The following EFCAB12 variants were observed in gnomAD, a reference collection of about 807,000 sequenced individuals.
EFCAB12 encodes EF-hand calcium binding domain 12.
A neutral mutation model predicts 53.6 loss-of-function variants in EFCAB12; 43 were observed. The observed-to-expected ratio is 0.80, with a 90% CI of 0.63 to 1.03. EFCAB12 has a LOEUF of 1.03. EFCAB12 is among the 50% of genes least tolerant of loss of function. EFCAB12 has a pLI of 0.00. For missense variants in EFCAB12, 646 were observed against 730.6 expected (o/e 0.88, Z 1.34); for synonymous variants, 269 against 289.2 (o/e 0.93, Z 0.71).
chr3:129,426,005 A>G (rs558138993), intron 1 of EFCAB12, among the ~76,000 whole-genome samples: 1 of 152,276 alleles, frequency 6.6e-6, no homozygotes, highest in South Asian at 2.1e-4. Context: ...CAGAAAACAC[A>G]CTTGTTCTCT....
chr3:129,402,460 C>T, intron 8 of EFCAB12, 63 bp downstream of exon 8: 1 of 1,550,610 alleles, frequency 6.4e-7, no homozygotes, highest in South Asian at 1.2e-5. Context: ...TCCCAGTTGT[C>T]TCAGGCGAAG....
intron 4 of EFCAB12, chr3:129,414,887 T>C (rs2072093192): frequency 5.7e-6 from 1 of 174,164 alleles, no homozygotes; most frequent in Admixed American, 6.4e-5. Context: ...AGCTATGGAT[T>C]AATAGTGAGG....
rs1286556987 is a variant in EFCAB12 at position 129,411,106 on chromosome 3, C to A, written c.1035+52G>T. ...GTGGTGCTGCTGCGGTGATCTGAAC[C>A]CCAGCTGCTCCAGTCCCCAAGCCGC... On this transcript the variant is annotated intron_variant, in intron 5 of 8. Transcript: ENST00000505956. The A allele has an allele frequency of 2.0e-6, 3 of 1,530,776 alleles. No homozygotes were observed. In the African/African-American group the frequency reaches 4.1e-5, roughly 21 times the overall value. The allele number at this position is 1,530,776 out of a possible 1,614,324, so 94.8% of individuals were successfully genotyped here.
At chr3:129,422,207 G>A (rs1037719717) in intron 1 of EFCAB12, among the ~76,000 whole-genome samples, 2 of 152,216 alleles carry the variant, frequency 1.3e-5, no homozygotes, top group African/African-American at 4.8e-5. Flanking sequence ...ATGATCTTGA[G>A]CAAACCACCT....
rs749936801 is a variant in EFCAB12, at chr3:129,404,303, C to G, written c.1350G>C (p.Pro450=). The G allele has an allele frequency of 6.2e-7, 1 of 1,613,852 alleles. No individual in the cohort carries two copies. Among genetic ancestry groups the G allele is most frequent in the Non-Finnish European group, 8.5e-7 (1 of 1,179,842 alleles). The change falls in exon 7 of 9, where the codon CCG becomes CCC. Residue 450 remains proline (P), a synonymous_variant. Coordinates refer to ENST00000505956, the MANE Select transcript of EFCAB12 (RefSeq NM_207307.3). ...GYYSDWKVFS[P]NLALLRSQGP... is the part of the protein sequence containing the mutation. Reference sequence around the variant, plus strand: ...CCTGGGACCGGAGCAGAGCCAGATTCGGAGAAAAGACCTTCCAGTCAGAGT... The same window carrying G: ...CCTGGGACCGGAGCAGAGCCAGATTGGGAGAAAAGACCTTCCAGTCAGAGT...
At chr3:129,410,855 G>A (rs969279815) in intron 5 of EFCAB12, among the ~76,000 whole-genome samples, 5 of 152,186 alleles carry the variant, frequency 3.3e-5, no homozygotes, top group African/African-American at 4.8e-5. Flanking sequence ...CCTGTGCCAG[G>A]TGCCTGGATT....
At chr3:129,415,469 C>T (rs2072103932) in intron 3 of EFCAB12, 68 bp from the exon 4 acceptor site, 16 of 1,583,710 alleles carry the variant, frequency 1.0e-5, no homozygotes, top group Non-Finnish European at 1.4e-5. Flanking sequence ...TGGCCAAGGC[C>T]TTACCAGCCT....
rs532872540 is a variant in EFCAB12, at chr3:129,404,481, G to A, written c.1250-78C>T. ...TCCCTAAGCCTCTGGGGTCAGAGGA[G>A]GTGTTTTTTTTTTTTTTAATTCACA... On this transcript the variant is annotated intron_variant, in intron 6 of 8. Transcript: ENST00000505956. 27 of 1,346,522 alleles carry A rather than the reference G, an allele frequency of 2.0e-5. No homozygotes were observed. In the African/African-American group the frequency reaches 3.5e-4, roughly 17 times the overall value. 83.4% of individuals were successfully genotyped at this position (1,346,522 alleles called of 1,614,324 possible).
rs2107734387 is a variant in EFCAB12, at chr3:129,401,796, A to G, written c.1516T>C (p.Trp506Arg). The G allele has an allele frequency of 6.2e-7, 1 of 1,613,138 alleles. No homozygotes were observed. The highest frequency in any genetic ancestry group is 8.5e-7 in the Non-Finnish European group (1 of 1,179,512). ...AGCTTATCCAGAAGATGACCCGGCCAGAAGGAATTGGGGTGTGTTTGCTGC... is the reference window on the plus strand; with the variant it reads ...AGCTTATCCAGAAGATGACCCGGCCGGAAGGAATTGGGGTGTGTTTGCTGC... ...GLQQTHPNSF[W>R]PGHLLDKLQL... is the part of the protein sequence containing the mutation. The change falls in exon 9 of 9, where the codon TGG (tryptophan) becomes CGG (arginine). Residue 506 changes from tryptophan (W) to arginine (R), a missense_variant. Physicochemically the swap from Trp to Arg is moderately radical, Grantham distance 101 (BLOSUM62 -3). Transcript: ENST00000505956.
intron 2 of EFCAB12, among the ~76,000 whole-genome samples, chr3:129,419,390 C>T (rs879929282): frequency 5.3e-5 from 8 of 152,166 alleles, no homozygotes; most frequent in Admixed American, 5.2e-4. Flanking sequence ...GGGTCAGAAG[C>T]AACTTAATAC....
At chr3:129,408,969 G>A in intron 5 of EFCAB12, 111 bp from the exon 6 acceptor site, 1 of 1,255,162 alleles carries the variant, frequency 8.0e-7, no homozygotes. Context: ...AGGTCCCCAT[G>A]AGGGGTGATG....
In EFCAB12 at chr3:129,428,464, G is replaced by A. The variant is rs368505528; in HGVS notation, c.25C>T (p.His9Tyr). The A allele has an allele frequency of 7.4e-6, 12 of 1,611,132 alleles. No individual in the cohort carries two copies. In the African/African-American group the frequency reaches 1.3e-4, roughly 18 times the overall value. ...CCGAGCAGCGACAAGAACAGACTGT[G>A]GTACGCTTCATAGTCGTCGTCCATG... MDDDYEAY[H>Y]SLFLSLLGLC... is the part of the protein sequence containing the mutation. The change falls in exon 1 of 9, where the codon CAC (histidine) becomes TAC (tyrosine). Residue 9 changes from histidine (H) to tyrosine (Y), a missense_variant. By Grantham distance (83) the His-to-Tyr change is moderately conservative (BLOSUM62 2). Coordinates refer to ENST00000505956, the MANE Select transcript of EFCAB12 (RefSeq NM_207307.3).
intron 4 of EFCAB12, 64 bp downstream of exon 4, chr3:129,415,180 CT>C: frequency 6.7e-7 from 1 of 1,501,024 alleles, no homozygotes; most frequent in Non-Finnish European, 8.9e-7. Context: ...GAGGCCAAGG[CT>C]GCCTGCACCA....
intron 5 of EFCAB12, among the ~76,000 whole-genome samples, chr3:129,410,313 A>G (rs2072019167): frequency 7.0e-6 from 1 of 143,378 alleles, no homozygotes; most frequent in African/African-American, 2.8e-5. Flanking sequence ...CCTGGCCTGT[A>G]TATAATTTTT....
intron 3 of EFCAB12, 96 bp from the exon 4 acceptor site, chr3:129,415,497 G>C (rs1005425887): frequency 1.2e-5 from 18 of 1,486,032 alleles, no homozygotes; most frequent in Non-Finnish European, 1.6e-5. Flanking sequence ...CCCCCATCCT[G>C]CTTCCAGTTT....
At chr3:129,425,538 T>A (rs2072260704) in intron 1 of EFCAB12, among the ~76,000 whole-genome samples, 1 of 152,086 alleles carries the variant, frequency 6.6e-6, no homozygotes, top group Non-Finnish European at 1.5e-5. Context: ...CCCCAGGGCT[T>A]CCCCTGGCCG....
chr3:129,423,971 C>T (rs1246466864), intron 1 of EFCAB12, among the ~76,000 whole-genome samples: 1 of 152,202 alleles, frequency 6.6e-6, no homozygotes. Context: ...GCTCAGGCAT[C>T]CCGGCCCCTT....
intron 4 of EFCAB12, chr3:129,412,418 G>A (rs2072053793): frequency 7.3e-6 from 1 of 137,644 alleles, no homozygotes; most frequent in African/African-American, 2.9e-5. Flanking sequence ...TTGGATATGT[G>A]TAGATGGATG....
rs1190318692 is a variant in EFCAB12, at chr3:129,421,669, C to G, written c.184G>C (p.Val62Leu). Residue 62 changes from valine (V) to leucine (L), a missense_variant, in exon 2 of 9, where the codon GTG becomes CTG. Transcript: ENST00000505956. ...GGTGTCTGATCCTCCTTGCGAGGCACCATGATGATTCGCCGGCGGGTCTGA... is the reference window on the plus strand; with the variant it reads ...GGTGTCTGATCCTCCTTGCGAGGCAGCATGATGATTCGCCGGCGGGTCTGA... ...LPQTRRRIIM[V>L]PRKEDQTPLN... 1.2e-5 allele frequency: 19 copies of G among 1,613,788 alleles called. No individual in the cohort carries two copies. Among genetic ancestry groups the G allele is most frequent in the Non-Finnish European group, 1.6e-5 (19 of 1,179,884 alleles).
Sources: gnomAD v4.1 joint callset for allele counts (sites outside exome capture counted in the v4.1 genomes callset) on GRCh38, gnomAD v4.1.1 for gene constraint, MANE v1.5 for transcripts, NCBI Gene and HGNC (gene_info 2026-07-23, HGNC 2026-07-21) for gene names.